Variants in DPP6 observed in about 807,000 individuals in gnomAD.
DPP6 encodes A-type potassium channel modulatory protein DPP6.
Under a neutral mutation model 122.6 loss-of-function variants are expected in DPP6, and 69 were observed. The observed-to-expected ratio is 0.56, with a 90% CI of 0.46 to 0.69. The LOEUF is 0.69. Among genes scored for constraint, DPP6 ranks in the 30% least tolerant of loss-of-function variants. The pLI is 0.00. For synonymous variants in DPP6, 418 were observed against 433.1 expected, an observed-to-expected ratio of 0.97 and a Z score of 0.43; for missense variants, 928 against 1,116.9, an observed-to-expected ratio of 0.83 and a Z score of 2.41.
intron 1 of DPP6, among the ~76,000 whole-genome samples, chr7:154,156,479 T>A (rs1236774296): frequency 2.0e-5 from 3 of 152,236 alleles, no homozygotes; most frequent in Non-Finnish European, 2.9e-5. Context: ...TGGTTGAGAC[T>A]AGAGGGACCA....
At chr7:153,788,283 C>T in the DPP6 span, among the ~76,000 whole-genome samples, 1 of 152,208 alleles carries the variant, frequency 6.6e-6, no homozygotes, top group African/African-American at 2.4e-5. Context: ...GATCCACTGG[C>T]CTTCTGTAGC....
intron 1 of DPP6, among the ~76,000 whole-genome samples, chr7:154,339,801 G>A (rs1809763912): frequency 6.6e-6 from 1 of 152,142 alleles, no homozygotes; most frequent in Non-Finnish European, 1.5e-5. Context: ...TTGGCTGGGC[G>A]TAGTGGCTCA....
chr7:154,779,885 ATATAT>A (rs1796919283), intron 10 of DPP6, among the ~76,000 whole-genome samples: 1 of 152,224 alleles, frequency 6.6e-6, no homozygotes, highest in South Asian at 2.1e-4. Flanking sequence ...GTCTGGGAAG[ATATAT>A]TATTTTATCT....
chr7:154,679,716 A>G (rs941066196), intron 7 of DPP6, among the ~76,000 whole-genome samples: 1 of 152,228 alleles, frequency 6.6e-6, no homozygotes, highest in Non-Finnish European at 1.5e-5. Flanking sequence ...AACTTATAAA[A>G]GCCTCTAATC....
chr7:154,123,893 C>T (rs1179219913), intron 1 of DPP6, among the ~76,000 whole-genome samples: 1 of 151,086 alleles, frequency 6.6e-6, no homozygotes, highest in African/African-American at 2.4e-5. Context: ...GATGTGCCAC[C>T]CGCTCACTAT....
chr7:154,773,334 G>T (rs568153235), intron 10 of DPP6, among the ~76,000 whole-genome samples: 170 of 152,286 alleles, frequency 1.1e-3, no homozygotes, highest in African/African-American at 4.0e-3. Flanking sequence ...GGAGCAATTT[G>T]CCAGTGGCAA....
At chr7:154,539,839 T>G (rs1414124581) in intron 3 of DPP6, among the ~76,000 whole-genome samples, 1 of 152,152 alleles carries the variant, frequency 6.6e-6, no homozygotes, top group Non-Finnish European at 1.5e-5. Context: ...GTTGGAGTGT[T>G]TTTATCTCAT....
At chr7:154,094,916 C>T (rs1044069822) in intron 1 of DPP6, 1 of 152,240 alleles carries the variant, frequency 6.6e-6, no homozygotes, top group African/African-American at 2.4e-5. Flanking sequence ...ACTCCTCGCT[C>T]TTGCCTCCCT....
chr7:153,915,577 C>T (rs752791946), intron 1 of DPP6, among the ~76,000 whole-genome samples: 3 of 152,142 alleles, frequency 2.0e-5, no homozygotes, highest in East Asian at 1.9e-4. Flanking sequence ...ATTAAAGAGA[C>T]GAGATAGCTC....
rs1834909670 is a variant in DPP6 at position 154,624,068 on chromosome 7, GC to G, written c.628-13751del. Among the ~76,000 whole-genome samples the G allele has an allele frequency of 6.6e-6, 1 of 152,038 alleles. No individual in the cohort carries two copies. The highest frequency in any genetic ancestry group is 2.4e-5 in the African/African-American group (1 of 41,386). On this transcript the variant is annotated intron_variant, in intron 5 of 25. Coordinates refer to ENST00000377770, the MANE Select transcript of DPP6 (RefSeq NM_130797.4). The surrounding 1 kb of genome is among the most constrained non-coding windows in gnomAD (Gnocchi z 4.7). ...AATTAGGCCGGGTGTAGTGGCTCAC[GC>G]CAGTAATCCCAGCATTTGGAGAGGC...
chr7:154,320,722 G>A (rs781694017), intron 1 of DPP6, among the ~76,000 whole-genome samples: 8 of 152,152 alleles, frequency 5.3e-5, no homozygotes, highest in Non-Finnish European at 7.3e-5. Context: ...CTGGCCTCAG[G>A]TGATCCGCCT....
Position 154,333,613 on chromosome 7 carries a change from G to A in DPP6, c.244-112601G>A, listed in dbSNP as rs1244437386. ...CTCCATGGCTCATATGTTGCTTGCT[G>A]TAGAGAATATTGGTGAAGCATAGTT... On this transcript the variant is annotated intron_variant, in intron 1 of 25. Coordinates refer to ENST00000377770, the MANE Select transcript of DPP6 (RefSeq NM_130797.4). 3.3e-5 allele frequency among the ~76,000 whole-genome samples: 5 copies of A among 152,308 alleles called. No individual in the cohort carries two copies. In the East Asian group the frequency reaches 7.7e-4, roughly 24 times the overall value.
At chr7:154,535,201 A>G (rs950152257) in intron 3 of DPP6, among the ~76,000 whole-genome samples, 4 of 152,184 alleles carry the variant, frequency 2.6e-5, no homozygotes, top group African/African-American at 9.6e-5. Context: ...CTTGTTACAT[A>G]TACTGTCTAA....
chr7:154,142,384 A>T (rs1265924851), intron 1 of DPP6, among the ~76,000 whole-genome samples: 1 of 152,196 alleles, frequency 6.6e-6, no homozygotes, highest in Non-Finnish European at 1.5e-5. Flanking sequence ...CAGTGAACAC[A>T]AATATAAATA....
chr7:154,729,947 G>T (rs1842254735), intron 8 of DPP6, among the ~76,000 whole-genome samples: 1 of 152,288 alleles, frequency 6.6e-6, no homozygotes, highest in South Asian at 2.1e-4. Context: ...GAAATGGTGT[G>T]CCCGGAGATG....
intron 1 of DPP6, among the ~76,000 whole-genome samples, chr7:154,169,850 C>A (rs1020642097): frequency 7.2e-5 from 11 of 152,146 alleles, no homozygotes; most frequent in African/African-American, 2.7e-4. Context: ...CCTGCCTCAG[C>A]CTCCCAAGTA....
chr7:153,888,363 C>A (rs1799034790), intron 1 of DPP6, among the ~76,000 whole-genome samples: 1 of 152,356 alleles, frequency 6.6e-6, no homozygotes, highest in East Asian at 1.9e-4. Flanking sequence ...TGCCTGGAAA[C>A]GCGGCTGGTC....
chr7:154,166,824 T>C (rs1382312432), intron 1 of DPP6, among the ~76,000 whole-genome samples: 2 of 148,828 alleles, frequency 1.3e-5, no homozygotes, highest in Non-Finnish European at 2.9e-5. Context: ...GGCAGAAGAA[T>C]TGTTTGAACC....
intron 1 of DPP6, among the ~76,000 whole-genome samples, chr7:154,168,316 G>A (rs1797357810): frequency 6.6e-6 from 1 of 152,156 alleles, no homozygotes; most frequent in African/African-American, 2.4e-5. Flanking sequence ...ATCCAAGCTG[G>A]CCGCGCAGAT....
Sources: gnomAD v4.1 joint callset for allele counts (sites outside exome capture counted in the v4.1 genomes callset) on GRCh38, gnomAD v4.1.1 for gene constraint, Gnocchi (gnomAD v3.1) non-coding constraint, MANE v1.5 for transcripts, NCBI Gene and HGNC (gene_info 2026-07-23, HGNC 2026-07-21) for gene names.